OSBPL2: variants seen among roughly 807,000 people sequenced by gnomAD.
OSBPL2 encodes oxysterol-binding protein-related protein 2.
A neutral mutation model predicts 58.4 loss-of-function variants in OSBPL2; 18 were observed. The ratio of observed to expected loss-of-function variants is 0.31; its 90% confidence interval spans 0.21 to 0.46. The LOEUF is 0.46. Among genes scored for constraint, OSBPL2 ranks in the 20% least tolerant of loss-of-function variants. The pLI, the probability that OSBPL2 is intolerant of heterozygous loss-of-function variation, is 1.00. For missense variants in OSBPL2, 461 were observed against 616.5 expected (o/e 0.75, Z 2.67); for synonymous variants, 221 against 234.1 (o/e 0.94, Z 0.51).
chr20:62,267,127 C>T (rs1981724374), intron 4 of OSBPL2, among the ~76,000 whole-genome samples: 1 of 152,232 alleles, frequency 6.6e-6, no homozygotes, highest in Admixed American at 6.5e-5. Flanking sequence ...TGCCTGGGCT[C>T]CCAGCTACTC....
chr20:62,272,493 C>T (rs528591088), intron 5 of OSBPL2, among the ~76,000 whole-genome samples: 261 of 152,270 alleles, frequency 1.7e-3, no homozygotes, highest in Non-Finnish European at 3.3e-3. Flanking sequence ...TCCCTGCTGC[C>T]GCCTCCTGCC....
Position 62,289,277 on chromosome 20 carries a change from C to A in OSBPL2, c.1196C>A (p.Pro399His). The change falls in exon 12 of 14, where the codon CCC (proline) becomes CAC (histidine). Residue 399 changes from proline (P) to histidine (H), a missense_variant. Coordinates refer to ENST00000313733, the MANE Select transcript of OSBPL2 (RefSeq NM_144498.4). ...LETGMEKTLP[P>H]TDCRLRPDIR... ...ACAGGCATGGAGAAGACCCTGCCAC[C>A]CACGGACTGCCGCCTGCGCCCTGAC... The A allele has an allele frequency of 6.2e-7, 1 of 1,613,584 alleles. No homozygotes were observed. The highest frequency in any genetic ancestry group is 8.5e-7 in the Non-Finnish European group (1 of 1,179,792).
chr20:62,281,927 C>G (rs1480969091), intron 9 of OSBPL2, 48 bp downstream of exon 9: 1 of 1,330,394 alleles, frequency 7.5e-7, no homozygotes, highest in Non-Finnish European at 1.1e-6. Flanking sequence ...GCCTGTGTGT[C>G]CACGTTAGAA....
At chr20:62,261,945 G>A (rs978994503) in intron 3 of OSBPL2, among the ~76,000 whole-genome samples, 14 of 152,058 alleles carry the variant, frequency 9.2e-5, no homozygotes, top group African/African-American at 3.1e-4. Flanking sequence ...TTTTAGTAGC[G>A]ACAGGGTTCC....
chr20:62,281,120 A>G lies in OSBPL2; in HGVS notation c.737A>G (p.Lys246Arg). 1 of 1,614,222 alleles carries G rather than the reference A, an allele frequency of 6.2e-7. No individual in the cohort carries two copies. The highest frequency in any genetic ancestry group is 8.5e-7 in the Non-Finnish European group (1 of 1,180,034). The change falls in exon 8 of 14, where the codon AAG becomes AGG. Residue 246 changes from lysine to arginine, a missense_variant. By Grantham distance (26) the Lys-to-Arg change is conservative (BLOSUM62 2). This residue lies in a region of OSBPL2 where 319 missense variants were observed against 419.2 expected (regional missense o/e 0.76). Transcript: ENST00000313733. ...TGCGTCCACAACGTCATCATCGGGAAGCTGTGGATAGAGCAGTATGGGACA... is the reference window on the plus strand; with the variant it reads ...TGCGTCCACAACGTCATCATCGGGAGGCTGTGGATAGAGCAGTATGGGACA... ...TCCVHNVIIG[K>R]LWIEQYGTVE...
At position 62,281,230 on chromosome 20, in the gene OSBPL2, C is replaced by T. The variant is rs912065345; in HGVS notation, c.782+65C>T. ...GGGTGGGGATGGGCGAGCCGGGGAGCGTGAGCATCCGTGCTCCTGGTGGGT... is the reference window on the plus strand; with the variant it reads ...GGGTGGGGATGGGCGAGCCGGGGAGTGTGAGCATCCGTGCTCCTGGTGGGT... On this transcript the variant is annotated intron_variant, in intron 8 of 13. Transcript: ENST00000313733. 1.7e-5 allele frequency: 19 copies of T among 1,130,786 alleles called. 1 individual carries two copies. The highest frequency in any genetic ancestry group is 2.1e-5 in the Non-Finnish European group (16 of 746,488). The allele number at this position is 1,130,786 out of a possible 1,614,324, so 70.0% of individuals were successfully genotyped here.
At position 62,283,652 on chromosome 20, in the gene OSBPL2, A is replaced by G. The variant is rs75149402; in HGVS notation, c.873-394A>G. Among the ~76,000 whole-genome samples the G allele has an allele frequency of 5.3e-5, 8 of 152,308 alleles. No homozygotes were observed. The East Asian group carries it at 1.5e-3, about 29-fold the overall frequency. On this transcript the variant is annotated intron_variant, in intron 9 of 13. Coordinates refer to ENST00000313733, the MANE Select transcript of OSBPL2 (RefSeq NM_144498.4). The stretch of plus-strand genomic sequence containing the variant: ...TGTGTTGAAAATGATCAGTGGGCGC[A>G]TGCAGCTTTACATTTTAAAACGCTC...
chr20:62,295,134 T>C lies in OSBPL2; in HGVS notation c.*1247T>C, dbSNP rs1157783502. Reference sequence around the variant, plus strand: ...CACCTGGCTGATTTTGTATTTTTAGTAGACACGGGTTTTCACCATGTTGGT... The same window carrying C: ...CACCTGGCTGATTTTGTATTTTTAGCAGACACGGGTTTTCACCATGTTGGT... On this transcript the variant is annotated 3_prime_UTR_variant, in exon 14 of 14. Transcript: ENST00000313733. The surrounding 1 kb of genome is among the most constrained non-coding windows in gnomAD (Gnocchi z 4.8). The C allele has an allele frequency of 6.6e-6, 1 of 152,120 alleles. No individual in the cohort carries two copies. The highest frequency in any genetic ancestry group is 2.4e-5 in the African/African-American group (1 of 41,414). 9.4% of individuals were successfully genotyped at this position (152,120 alleles called of 1,614,324 possible). A position where few individuals can be genotyped will look rare whatever the true frequency, so the allele number is the denominator to read the frequency against.
intron 6 of OSBPL2, among the ~76,000 whole-genome samples, chr20:62,276,208 C>T (rs115145588): frequency 0.011 from 1,624 of 152,322 alleles, 39 homozygotes; most frequent in African/African-American, 0.037. Flanking sequence ...TGAGCCACCA[C>T]GCCTGGCCAT....
chr20:62,239,814 A>C (rs577853233), intron 1 of OSBPL2, among the ~76,000 whole-genome samples: 1 of 152,278 alleles, frequency 6.6e-6, no homozygotes, highest in South Asian at 2.1e-4. Flanking sequence ...TCATCCGGAC[A>C]TGTAGCACTT....
intron 1 of OSBPL2, among the ~76,000 whole-genome samples, chr20:62,249,412 C>T (rs1436761339): frequency 4.6e-5 from 7 of 152,314 alleles, no homozygotes; most frequent in Middle Eastern, 3.4e-3. Flanking sequence ...GGATTGTTTT[C>T]TGAGTGCAAA....
chr20:62,257,943 G>A (rs933233016), intron 2 of OSBPL2, among the ~76,000 whole-genome samples: 5 of 152,164 alleles, frequency 3.3e-5, no homozygotes, highest in African/African-American at 1.2e-4. Context: ...TCGAACTCCT[G>A]ACCTCAGGTG....
At chr20:62,257,396 C>A (rs143176649) in intron 2 of OSBPL2, among the ~76,000 whole-genome samples, 2 of 152,248 alleles carry the variant, frequency 1.3e-5, no homozygotes, top group African/African-American at 4.8e-5. Flanking sequence ...CGCTCCTTAC[C>A]GGCTTCAAAG....
At chr20:62,287,789 T>A (rs1358198230) in intron 11 of OSBPL2, among the ~76,000 whole-genome samples, 1 of 152,212 alleles carries the variant, frequency 6.6e-6, no homozygotes, top group African/African-American at 2.4e-5. Context: ...AATTTATTAT[T>A]AGGAAAATTG....
At chr20:62,286,417 T>A (rs1382211666) in intron 10 of OSBPL2, 166 bp from the exon 11 acceptor site, 2 of 711,972 alleles carry the variant, frequency 2.8e-6, no homozygotes, top group African/African-American at 1.8e-5. Flanking sequence ...ACCATTGCAC[T>A]CCAGCCTGGG....
intron 4 of OSBPL2, among the ~76,000 whole-genome samples, chr20:62,265,819 A>G (rs1981626111): frequency 6.6e-6 from 1 of 152,074 alleles, no homozygotes; most frequent in Non-Finnish European, 1.5e-5. Context: ...CAAACCACCT[A>G]ATTTTGACTC....
intron 3 of OSBPL2, 66 bp downstream of exon 3, chr20:62,260,191 G>A (rs1981207532): frequency 3.3e-6 from 5 of 1,496,744 alleles, no homozygotes; most frequent in Non-Finnish European, 3.7e-6. Flanking sequence ...ACTCTGCAGG[G>A]TACCCCTCAG....
chr20:62,240,810 G>A (rs189547888), intron 1 of OSBPL2, among the ~76,000 whole-genome samples: 178 of 152,224 alleles, frequency 1.2e-3, no homozygotes, highest in Non-Finnish European at 2.2e-3. Flanking sequence ...GTAATTTACC[G>A]TTTGACCATT....
intron 1 of OSBPL2, among the ~76,000 whole-genome samples, chr20:62,242,164 C>T (rs905827726): frequency 2.0e-5 from 3 of 152,140 alleles, no homozygotes; most frequent in African/African-American, 4.8e-5. Flanking sequence ...CATGGTGTCC[C>T]GGCCTCTCAG....
Sources: gnomAD v4.1 joint callset for allele counts (sites outside exome capture counted in the v4.1 genomes callset) on GRCh38, gnomAD v4.1.1 for gene constraint, gnomAD v4.1.1 regional missense constraint, Gnocchi (gnomAD v3.1) non-coding constraint, MANE v1.5 for transcripts, NCBI Gene and HGNC (gene_info 2026-07-23, HGNC 2026-07-21) for gene names.